Variants in UNC13C observed in about 807,000 individuals in gnomAD.
UNC13C encodes the protein protein unc-13 homolog C.
UNC13C carries 174 observed loss-of-function variants against 245.4 expected under a neutral mutation model. The observed-to-expected ratio is 0.71, with a 90% confidence interval of 0.63 to 0.80. The LOEUF is 0.80. Ranked by LOEUF, UNC13C falls within the 30% of genes least tolerant of loss-of-function variation. The pLI is 0.00. For synonymous variants in UNC13C, 992 were observed against 895.1 expected (o/e 1.11, Z -1.93); for missense variants, 2,829 against 2,602.9 (o/e 1.09, Z -1.89).
intron 14 of UNC13C, among the ~76,000 whole-genome samples, chr15:54,322,779 T>C (rs1051752006): frequency 6.6e-6 from 1 of 151,926 alleles, no homozygotes; most frequent in African/African-American, 2.4e-5. Flanking sequence ...GTATTTCTAG[T>C]AAAGTGGTAA....
At chr15:54,184,167 A>G (rs934398530) in intron 4 of UNC13C, among the ~76,000 whole-genome samples, 2 of 152,184 alleles carry the variant, frequency 1.3e-5, no homozygotes, top group African/African-American at 4.8e-5. Context: ...GAAACTTAAC[A>G]AGAAAGAAAG....
At chr15:54,067,092 A>G (rs1238844391) in intron 2 of UNC13C, among the ~76,000 whole-genome samples, 1 of 152,052 alleles carries the variant, frequency 6.6e-6, no homozygotes, top group African/African-American at 2.4e-5. Context: ...TTAGATTATT[A>G]AGGCAATAAT....
chr15:53,932,747 G>C, the UNC13C span, among the ~76,000 whole-genome samples: 4 of 151,834 alleles, frequency 2.6e-5, no homozygotes, highest in African/African-American at 7.3e-5. Flanking sequence ...CTGGCCACTC[G>C]TATTCATTTG....
At chr15:53,860,555 C>T in the UNC13C span, among the ~76,000 whole-genome samples, 1 of 152,020 alleles carries the variant, frequency 6.6e-6, no homozygotes, top group East Asian at 1.9e-4. Context: ...CTTAGAATGA[C>T]CTGAAATCTG....
chr15:54,588,536 G>A (rs932700942), intron 30 of UNC13C, among the ~76,000 whole-genome samples: 4 of 152,082 alleles, frequency 2.6e-5, no homozygotes, highest in African/African-American at 7.2e-5. Context: ...TGGTATACAG[G>A]TGGTATTTGG....
At chr15:54,431,988 G>A (rs1436927757) in intron 19 of UNC13C, among the ~76,000 whole-genome samples, 1 of 151,380 alleles carries the variant, frequency 6.6e-6, no homozygotes, top group East Asian at 1.9e-4. Context: ...CATGTACCCT[G>A]AAAACATGTA....
intron 32 of UNC13C, among the ~76,000 whole-genome samples, chr15:54,625,284 CTG>C (rs1901060386): frequency 4.9e-3 from 1 of 204 alleles, no homozygotes; most frequent in Non-Finnish European, 0.038. Context: ...AGAAACCCTA[CTG>C]AGATATAGTC....
intron 2 of UNC13C, among the ~76,000 whole-genome samples, chr15:54,055,298 C>G (rs1043650381): frequency 1.6e-4 from 24 of 152,302 alleles, no homozygotes; most frequent in African/African-American, 4.8e-4. Context: ...TCCTTGCCAA[C>G]TCAATTATCA....
At chr15:54,270,713 C>G (rs2036664649) in intron 10 of UNC13C, among the ~76,000 whole-genome samples, 1 of 152,046 alleles carries the variant, frequency 6.6e-6, no homozygotes, top group Middle Eastern at 3.4e-3. Context: ...AGAACTGAGA[C>G]TGGGAAATGG....
At chr15:54,511,628 T>G (rs1489288763) in intron 23 of UNC13C, 125 bp from the exon 24 acceptor site, 2 of 641,234 alleles carry the variant, frequency 3.1e-6, no homozygotes, top group African/African-American at 1.9e-5. Flanking sequence ...AATAGCAGAA[T>G]TAGTATATAC....
intron 19 of UNC13C, among the ~76,000 whole-genome samples, chr15:54,473,566 A>G (rs1007883208): frequency 6.6e-6 from 1 of 151,834 alleles, no homozygotes; most frequent in Non-Finnish European, 1.5e-5. Context: ...CCATGAAATC[A>G]GCGATTTTAG....
intron 4 of UNC13C, among the ~76,000 whole-genome samples, chr15:54,214,508 A>T (rs1419383223): frequency 6.6e-6 from 1 of 151,944 alleles, no homozygotes; most frequent in African/African-American, 2.4e-5. Context: ...CAACCACTTA[A>T]TAGTGTTAGT....
chr15:53,840,631 G>A, the UNC13C span, among the ~76,000 whole-genome samples: 1 of 152,122 alleles, frequency 6.6e-6, no homozygotes, highest in African/African-American at 2.4e-5. Context: ...TTGCCTTGAT[G>A]TACATACAGG....
chr15:54,237,760 G>C, intron 7 of UNC13C, 70 bp downstream of exon 7: 1 of 1,254,486 alleles, frequency 8.0e-7, no homozygotes, highest in Non-Finnish European at 1.1e-6. Context: ...AAACTGTTCT[G>C]CTTGAGCTAC....
intron 13 of UNC13C, among the ~76,000 whole-genome samples, chr15:54,314,745 T>A (rs961155903): frequency 4.0e-5 from 6 of 151,816 alleles, no homozygotes; most frequent in Non-Finnish European, 8.8e-5. Context: ...ATGCTGTTCA[T>A]GATAGGAACA....
the UNC13C span, among the ~76,000 whole-genome samples, chr15:53,957,763 A>G: frequency 1.4e-4 from 21 of 152,180 alleles, no homozygotes; most frequent in Non-Finnish European, 2.6e-4. Flanking sequence ...TTTTAAACGT[A>G]GTTTAAGTCA....
chr15:53,933,972 G>C, the UNC13C span, among the ~76,000 whole-genome samples: 1 of 152,238 alleles, frequency 6.6e-6, no homozygotes, highest in East Asian at 1.9e-4. Context: ...TGGGATGCAT[G>C]GTTCTGCAGG....
intron 24 of UNC13C, among the ~76,000 whole-genome samples, chr15:54,513,319 T>A (rs941017086): frequency 1.3e-5 from 2 of 152,206 alleles, no homozygotes; most frequent in Non-Finnish European, 2.9e-5. Context: ...AAGTTATATT[T>A]AAAATGTCAT....
At chr15:53,922,010 G>A in the UNC13C span, among the ~76,000 whole-genome samples, 2 of 152,182 alleles carry the variant, frequency 1.3e-5, no homozygotes, top group Non-Finnish European at 2.9e-5. Flanking sequence ...ATATTGAAAT[G>A]CAGTATGAAT....
Sources: gnomAD v4.1 joint callset for allele counts (sites outside exome capture counted in the v4.1 genomes callset) on GRCh38, gnomAD v4.1.1 for gene constraint, MANE v1.5 for transcripts, NCBI Gene and HGNC (gene_info 2026-07-23, HGNC 2026-07-21) for gene names.